Variants in AGO1 observed in about 807,000 individuals in gnomAD.
The protein encoded by AGO1 is protein argonaute-1.
Under a neutral mutation model 109.2 loss-of-function variants are expected in AGO1, and 11 were observed. That is an observed-to-expected ratio of 0.10 (90% CI 0.06 to 0.17). The LOEUF is 0.17. AGO1 is among the 10% of genes least tolerant of loss of function. The pLI is 1.00. For missense variants in AGO1, 574 were observed against 1,140.3 expected, an observed-to-expected ratio of 0.50 and a Z score of 7.15; for synonymous variants, 422 against 418.6, an observed-to-expected ratio of 1.01 and a Z score of -0.10.
At chr1:35,891,231 T>C (rs1363012749) in intron 2 of AGO1, among the ~76,000 whole-genome samples, 1 of 152,220 alleles carries the variant, frequency 6.6e-6, no homozygotes, top group Non-Finnish European at 1.5e-5. Flanking sequence ...TTTTGAGTTA[T>C]CCAGTAGTAG....
rs1219589814 is a variant in AGO1 at position 35,903,045 on chromosome 1, AC to A, written c.1397+711del. 4.7e-5 allele frequency among the ~76,000 whole-genome samples: 6 copies of A among 126,586 alleles called. No individual in the cohort carries two copies. In the East Asian group the frequency reaches 1.1e-3, roughly 24 times the overall value. The allele number at this position is 126,586 out of a possible 152,430, so 83.0% of individuals were successfully genotyped here. A position where few individuals can be genotyped will look rare whatever the true frequency, so the allele number is the denominator to read the frequency against. ...TTTTAAGACAGAGTCTTGCTCTGTC[AC>A]CCATGCTGGAGTGCAGTGGCACGAT... On this transcript the variant is annotated intron_variant, in intron 11 of 18. Transcript: ENST00000373204.
intron 1 of AGO1, among the ~76,000 whole-genome samples, chr1:35,876,066 A>C (rs947063675): frequency 6.6e-6 from 1 of 152,206 alleles, no homozygotes; most frequent in African/African-American, 2.4e-5. Context: ...TATCAACAAA[A>C]ATAAGGGTTT....
At chr1:35,910,629 CTT>C (rs1049057737) in intron 12 of AGO1, among the ~76,000 whole-genome samples, 1 of 152,102 alleles carries the variant, frequency 6.6e-6, no homozygotes, top group Admixed American at 6.6e-5. Flanking sequence ...ATAGTATATA[CTT>C]TTTTTGTTTC....
At chr1:35,874,194 T>G (rs1272362183) in intron 1 of AGO1, among the ~76,000 whole-genome samples, 1 of 152,230 alleles carries the variant, frequency 6.6e-6, no homozygotes, top group African/African-American at 2.4e-5. Flanking sequence ...AGACAGGGTC[T>G]CATTCTGTCA....
rs1645924872 is a variant in AGO1, at chr1:35,926,245, T to TAA, written c.*6638_*6639insAA. On this transcript the variant is annotated 3_prime_UTR_variant, in exon 19 of 19. Coordinates refer to ENST00000373204, the MANE Select transcript of AGO1 (RefSeq NM_012199.5). Reference sequence around the variant, plus strand: ...TTGAAAAGCCTTCAGGATTTGCCTGTGGTTGCTACTCAAGTTAAAAAGACT... The same window carrying TAA: ...TTGAAAAGCCTTCAGGATTTGCCTGTAAGGTTGCTACTCAAGTTAAAAAGACT... 1 of 152,228 alleles carries TAA rather than the reference T, an allele frequency of 6.6e-6. No homozygotes were observed. Among genetic ancestry groups the TAA allele is most frequent in the South Asian group, 2.1e-4 (1 of 4,834 alleles). 9.4% of individuals were successfully genotyped at this position (152,228 alleles called of 1,614,324 possible). A position where few individuals can be genotyped will look rare whatever the true frequency, so the allele number is the denominator to read the frequency against.
intron 1 of AGO1, among the ~76,000 whole-genome samples, chr1:35,885,635 C>A (rs997643648): frequency 5.9e-5 from 9 of 152,182 alleles, no homozygotes; most frequent in East Asian, 1.9e-4. Context: ...CAACAAAAAA[C>A]CCCCCAAAAA....
rs1645875969 is a variant in AGO1, at chr1:35,923,762, T to A, written c.*4155T>A. 6.6e-6 allele frequency: 1 copy of A among 152,632 alleles called. No homozygotes were observed. Among genetic ancestry groups the A allele is most frequent in the Non-Finnish European group, 1.5e-5 (1 of 68,034 alleles). The allele number at this position is 152,632 out of a possible 1,614,324, so 9.5% of individuals were successfully genotyped here. ...TGACTTAGAGCCTCTGGCTGCTGTT[T>A]GGGCATCCAAGAAAGGGAGGGGAAG... On this transcript the variant is annotated 3_prime_UTR_variant, in exon 19 of 19. Coordinates refer to ENST00000373204, the MANE Select transcript of AGO1 (RefSeq NM_012199.5).
chr1:35,905,206 C>T (rs948223003), intron 11 of AGO1, among the ~76,000 whole-genome samples: 1 of 152,100 alleles, frequency 6.6e-6, no homozygotes, highest in Non-Finnish European at 1.5e-5. Context: ...TGGTAACATA[C>T]TGGCTTTTTA....
chr1:35,875,702 G>A (rs1028151981), intron 1 of AGO1, among the ~76,000 whole-genome samples: 1 of 152,076 alleles, frequency 6.6e-6, no homozygotes, highest in Non-Finnish European at 1.5e-5. Context: ...ATGAGCCACC[G>A]TGCCCAGCTG....
At chr1:35,885,844 AAGTGTGAACATAAATG>A (rs1256575415) in intron 1 of AGO1, among the ~76,000 whole-genome samples, 8 of 152,266 alleles carry the variant, frequency 5.3e-5, no homozygotes, top group Non-Finnish European at 8.8e-5. Context: ...AATCACATTC[AAGTGTGAACATAAATG>A]GTTAAGCACG....
rs1645932802 is a variant in AGO1 at position 35,926,609 on chromosome 1, A to C, written c.*7002A>C. 1 of 152,200 alleles carries C rather than the reference A, an allele frequency of 6.6e-6. No individual in the cohort carries two copies. The highest frequency in any genetic ancestry group is 1.5e-5 in the Non-Finnish European group (1 of 68,046). The allele number at this position is 152,200 out of a possible 1,614,324, so 9.4% of individuals were successfully genotyped here. A position where few individuals can be genotyped will look rare whatever the true frequency, so the allele number is the denominator to read the frequency against. Reference sequence around the variant, plus strand: ...CTGCCTGAATGGGAAGTAATGTCGAATTGGAAAATTAGCTCACCATTTTTG... The same window carrying C: ...CTGCCTGAATGGGAAGTAATGTCGACTTGGAAAATTAGCTCACCATTTTTG... On this transcript the variant is annotated 3_prime_UTR_variant, in exon 19 of 19. Transcript: ENST00000373204.
Position 35,919,360 on chromosome 1 carries a change from C to A in AGO1, c.2465+106C>A. On this transcript the variant is annotated intron_variant, in intron 18 of 18. Coordinates refer to ENST00000373204, the MANE Select transcript of AGO1 (RefSeq NM_012199.5). This position sits in a 1 kb window ranked among gnomAD's most constrained non-coding sequence, Gnocchi z 6.6. ...AAATGAGTGCTGTCCAATTTGGTGTCATTGGGCTCGTCTGCCCAATCCTGG... is the reference window on the plus strand; with the variant it reads ...AAATGAGTGCTGTCCAATTTGGTGTAATTGGGCTCGTCTGCCCAATCCTGG... 1.4e-6 allele frequency: 2 copies of A among 1,468,186 alleles called. No homozygotes were observed. The highest frequency in any genetic ancestry group is 1.9e-6 in the Non-Finnish European group (2 of 1,077,522). The allele number at this position is 1,468,186 out of a possible 1,614,324, so 90.9% of individuals were successfully genotyped here. A position where few individuals can be genotyped will look rare whatever the true frequency, so the allele number is the denominator to read the frequency against.
At chr1:35,918,863 C>T (rs1645781882) in intron 17 of AGO1, among the ~76,000 whole-genome samples, 192 bp from the exon 18 acceptor site, 1 of 152,164 alleles carries the variant, frequency 6.6e-6, no homozygotes, top group Admixed American at 6.5e-5. Flanking sequence ...GCCAGGACTG[C>T]TGTCGTAATA....
At position 35,914,300 on chromosome 1, in the gene AGO1, A is replaced by T. The variant is rs778546498; in HGVS notation, c.1833+26A>T. On this transcript the variant is annotated intron_variant, in intron 14 of 18. Coordinates refer to ENST00000373204, the MANE Select transcript of AGO1 (RefSeq NM_012199.5). Reference sequence around the variant, plus strand: ...GTGAGTGATATTCTGTAGCTGCCTCATAAGGTTCTCCTCTTCGCTCTGAGT... The same window carrying T: ...GTGAGTGATATTCTGTAGCTGCCTCTTAAGGTTCTCCTCTTCGCTCTGAGT... The T allele has an allele frequency of 6.9e-6, 11 of 1,591,054 alleles. No homozygotes were observed. The East Asian group carries it at 2.0e-4, about 29-fold the overall frequency.
In AGO1 at chr1:35,930,317, G is replaced by T. The variant is rs992754289; in HGVS notation, c.*10710G>T. On this transcript the variant is annotated 3_prime_UTR_variant, in exon 19 of 19. Coordinates refer to ENST00000373204, the MANE Select transcript of AGO1 (RefSeq NM_012199.5). ...CTGTGGGGTAGGGCGTAAGGGGAGG[G>T]TGGAGAAGAGAGAGAGGGTTCCTGG... The T allele has an allele frequency of 2.0e-5, 3 of 152,204 alleles. No individual in the cohort carries two copies. Among genetic ancestry groups the T allele is most frequent in the African/African-American group, 7.2e-5 (3 of 41,428 alleles). The allele number at this position is 152,204 out of a possible 1,614,324, so 9.4% of individuals were successfully genotyped here.
At chr1:35,892,779 C>T (rs1313407385) in intron 3 of AGO1, 102 bp downstream of exon 3, 2 of 1,539,206 alleles carry the variant, frequency 1.3e-6, no homozygotes, top group East Asian at 4.5e-5. Flanking sequence ...ATCTTTTGTG[C>T]TGAGAAAGTA....
chr1:35,916,700 T>C (rs1008837916), intron 15 of AGO1, among the ~76,000 whole-genome samples: 15 of 152,216 alleles, frequency 9.9e-5, no homozygotes, highest in African/African-American at 3.6e-4. Flanking sequence ...TCCAGTATTT[T>C]CTAAAATAAC....
rs1157249630 is a variant in AGO1 at position 35,924,652 on chromosome 1, G to C, written c.*5045G>C. The C allele has an allele frequency of 6.6e-6, 1 of 152,328 alleles. No individual in the cohort carries two copies. Among genetic ancestry groups the C allele is most frequent in the East Asian group, 1.9e-4 (1 of 5,182 alleles). 9.4% of individuals were successfully genotyped at this position (152,328 alleles called of 1,614,324 possible). A position where few individuals can be genotyped will look rare whatever the true frequency, so the allele number is the denominator to read the frequency against. ...AGGAAGGGACAGATTTGAGAGACGA[G>C]GTAGAATTAATAGGACTCGATGGCT... On this transcript the variant is annotated 3_prime_UTR_variant, in exon 19 of 19. Transcript: ENST00000373204.
rs1645990366 is a variant in AGO1 at position 35,929,275 on chromosome 1, A to G, written c.*9668A>G. On this transcript the variant is annotated 3_prime_UTR_variant, in exon 19 of 19. Transcript: ENST00000373204. ...TACAAATCATGAGCCTTTCACATGC[A>G]TTGACTCTAAAGAGGTGGGTTCCTG... 1 of 152,220 alleles carries G rather than the reference A, an allele frequency of 6.6e-6. No homozygotes were observed. Among genetic ancestry groups the G allele is most frequent in the African/African-American group, 2.4e-5 (1 of 41,452 alleles). 9.4% of individuals were successfully genotyped at this position (152,220 alleles called of 1,614,324 possible).
Sources: gnomAD v4.1 joint callset for allele counts (sites outside exome capture counted in the v4.1 genomes callset) on GRCh38, gnomAD v4.1.1 for gene constraint, Gnocchi (gnomAD v3.1) non-coding constraint, MANE v1.5 for transcripts, NCBI Gene and HGNC (gene_info 2026-07-23, HGNC 2026-07-21) for gene names.